MGMT: variants seen among roughly 807,000 people sequenced by gnomAD.
MGMT encodes O-6-methylguanine-DNA methyltransferase, also known as methylated-DNA--protein-cysteine methyltransferase.
In MGMT, 14 loss-of-function variants were observed where a neutral mutation model predicts 15.9. The ratio of observed to expected loss-of-function variants is 0.88; its 90% CI spans 0.58 to 1.37. The LOEUF (loss-of-function observed/expected upper bound fraction) is 1.37. MGMT is among the 40% of genes most tolerant of loss of function. The probability of loss-of-function intolerance (pLI) is 0.00; values close to 1 mark genes in which losing one functional copy is unlikely to be tolerated. For synonymous variants in MGMT, 130 were observed against 118.2 expected (o/e 1.10, Z -0.65); for missense variants, 282 against 268.1 (o/e 1.05, Z -0.36).
At chr10:129,503,236 G>A (rs1208788101) in intron 1 of MGMT, among the ~76,000 whole-genome samples, 2 of 152,076 alleles carry the variant, frequency 1.3e-5, no homozygotes, top group Non-Finnish European at 2.9e-5. Flanking sequence ...AATGCACTTG[G>A]GGGTCAGCTA....
intron 2 of MGMT, among the ~76,000 whole-genome samples, chr10:129,555,932 T>C (rs369239457): frequency 1.3e-4 from 20 of 152,154 alleles, no homozygotes; most frequent in Non-Finnish European, 2.9e-5. Flanking sequence ...GCGGGAACCC[T>C]GCAGGCATTC....
intron 2 of MGMT, among the ~76,000 whole-genome samples, chr10:129,597,201 C>G (rs1669994813): frequency 1.3e-5 from 2 of 152,160 alleles, no homozygotes; most frequent in African/African-American, 4.8e-5. Flanking sequence ...CATCTGAGCT[C>G]TAAGCCTGCA....
intron 2 of MGMT, among the ~76,000 whole-genome samples, chr10:129,605,818 T>C (rs1250705051): frequency 6.6e-6 from 1 of 152,212 alleles, no homozygotes; most frequent in Non-Finnish European, 1.5e-5. Flanking sequence ...TCAACTGGTA[T>C]GTGCTTGCGT....
chr10:129,737,137 A>G (rs1848572827), intron 3 of MGMT, among the ~76,000 whole-genome samples: 1 of 152,138 alleles, frequency 6.6e-6, no homozygotes. Context: ...TCTCCTGGAT[A>G]ATATCCTGCA....
At chr10:129,707,161 C>A (rs930242420) in intron 2 of MGMT, among the ~76,000 whole-genome samples, 1 of 152,014 alleles carries the variant, frequency 6.6e-6, no homozygotes, top group African/African-American at 2.4e-5. Flanking sequence ...CCTGTAATCC[C>A]AGCTACTAGG....
chr10:129,740,202 A>G (rs1439067750), intron 3 of MGMT, among the ~76,000 whole-genome samples: 2 of 152,190 alleles, frequency 1.3e-5, no homozygotes, highest in East Asian at 1.9e-4. Context: ...AGGTGCTCCA[A>G]GTGGGCTCTC....
chr10:129,491,209 T>A (rs890444348), intron 1 of MGMT, among the ~76,000 whole-genome samples: 1 of 152,120 alleles, frequency 6.6e-6, no homozygotes, highest in African/African-American at 2.4e-5. Flanking sequence ...AATTGGTCCA[T>A]TTTTAAACAC....
In MGMT at chr10:129,650,943, T is replaced by A. The variant is rs576955493; in HGVS notation, c.126-56952T>A. Among the ~76,000 whole-genome samples the A allele has an allele frequency of 2.0e-3, 306 of 152,314 alleles. 2 individuals carry two copies. Among genetic ancestry groups the A allele is most frequent in the Non-Finnish European group, 4.0e-3 (271 of 68,034 alleles). Reference sequence around the variant, plus strand: ...TTGTGGCCAGGACTTTTTCTGGCAGTGGTACTGCCCGAGGGCCGCAGTCCT... The same window carrying A: ...TTGTGGCCAGGACTTTTTCTGGCAGAGGTACTGCCCGAGGGCCGCAGTCCT... On this transcript the variant is annotated intron_variant, in intron 2 of 4. Coordinates refer to ENST00000651593, the MANE Select transcript of MGMT (RefSeq NM_002412.5).
At chr10:129,657,453 C>CGCCCCTT (rs901456295) in intron 2 of MGMT, among the ~76,000 whole-genome samples, 1 of 151,388 alleles carries the variant, frequency 6.6e-6, no homozygotes, top group Non-Finnish European at 1.5e-5. Context: ...TGCCCTGAGG[C>CGCCCCTT]GCCCCTTGTC....
intron 3 of MGMT, among the ~76,000 whole-genome samples, chr10:129,743,613 G>A (rs543690061): frequency 4.0e-4 from 61 of 152,330 alleles, no homozygotes; most frequent in African/African-American, 1.3e-3. Flanking sequence ...TTTAATTCAC[G>A]TAGTGTGTTG....
At chr10:129,714,428 A>G (rs779417143) in intron 3 of MGMT, among the ~76,000 whole-genome samples, 13 of 152,232 alleles carry the variant, frequency 8.5e-5, no homozygotes, top group African/African-American at 3.1e-4. Flanking sequence ...TAAAGTTTCA[A>G]CAATGATTCA....
intron 1 of MGMT, among the ~76,000 whole-genome samples, chr10:129,474,904 C>T (rs1282763291): frequency 3.9e-5 from 6 of 152,036 alleles, no homozygotes; most frequent in African/African-American, 9.7e-5. Flanking sequence ...TCAAGGGGCT[C>T]CCCGTGTGGT....
chr10:129,744,754 C>T (rs1293762030), intron 3 of MGMT, among the ~76,000 whole-genome samples: 4 of 152,240 alleles, frequency 2.6e-5, no homozygotes, highest in Non-Finnish European at 5.9e-5. Context: ...CCCGCCACAT[C>T]GCCAGCCGTG....
At chr10:129,587,121 T>C (rs1270041093) in intron 2 of MGMT, among the ~76,000 whole-genome samples, 3 of 152,174 alleles carry the variant, frequency 2.0e-5, no homozygotes, top group African/African-American at 7.2e-5. Context: ...CCTTCATGTA[T>C]GTGGAGCATT....
chr10:129,481,121 C>T (rs191731107), intron 1 of MGMT, among the ~76,000 whole-genome samples: 57 of 152,306 alleles, frequency 3.7e-4, no homozygotes, highest in Non-Finnish European at 6.3e-4. Flanking sequence ...TTGGCCCTTG[C>T]GGAGGCATCC....
At chr10:129,517,105 G>A (rs530009756) in intron 1 of MGMT, among the ~76,000 whole-genome samples, 164 of 152,336 alleles carry the variant, frequency 1.1e-3, no homozygotes, top group Non-Finnish European at 1.9e-3. Context: ...TGAGCACAGA[G>A]GGTAGAAGAA....
chr10:129,591,339 G>A (rs987170845), intron 2 of MGMT, among the ~76,000 whole-genome samples: 1 of 152,230 alleles, frequency 6.6e-6, no homozygotes, highest in African/African-American at 2.4e-5. Context: ...CACGCCTCAG[G>A]CTGTGGTCCA....
At chr10:129,635,903 CT>C (rs1303627144) in intron 2 of MGMT, among the ~76,000 whole-genome samples, 1 of 152,152 alleles carries the variant, frequency 6.6e-6, no homozygotes, top group East Asian at 1.9e-4. Flanking sequence ...CAAGGAGCTC[CT>C]GCTGTAATCA....
intron 2 of MGMT, among the ~76,000 whole-genome samples, chr10:129,650,028 C>T (rs907037089): frequency 6.6e-6 from 1 of 152,160 alleles, no homozygotes; most frequent in African/African-American, 2.4e-5. Context: ...AAAGGTCTCA[C>T]TTGAGAAATA....
Sources: allele counts gnomAD v4.1 joint callset (sites outside exome capture counted in the v4.1 genomes callset), GRCh38; gene constraint gnomAD v4.1.1; transcripts MANE v1.5; gene names NCBI Gene and HGNC (gene_info 2026-07-23, HGNC 2026-07-21).